Variants in ZNF263 observed in about 807,000 individuals in gnomAD.
ZNF263 encodes zinc finger protein FPM315.
Under a neutral mutation model 63.1 loss-of-function variants are expected in ZNF263, and 49 were observed. The observed-to-expected ratio is 0.78, with a 90% confidence interval of 0.62 to 0.99. The LOEUF (loss-of-function observed/expected upper bound fraction) is 0.99. Ranked by LOEUF, ZNF263 falls within the 50% of genes least tolerant of loss-of-function variation. The probability of loss-of-function intolerance (pLI) is 0.00; values close to 1 mark genes in which losing one functional copy is unlikely to be tolerated. For synonymous variants in ZNF263, 352 were observed against 324.2 expected (o/e 1.09, Z -0.92); for missense variants, 872 against 854.8 (o/e 1.02, Z -0.25).
chr16:3,284,963 A>T, intron 1 of ZNF263, 96 bp from the exon 2 acceptor site: 1 of 1,460,998 alleles, frequency 6.8e-7, no homozygotes, highest in Non-Finnish European at 9.4e-7. Flanking sequence ...GGATCGCCTG[A>T]GGTTCTCTGT....
chr16:3,299,479 G>A, intron 2 of ZNF263: 2 of 1,549,636 alleles, frequency 1.3e-6, no homozygotes, highest in Non-Finnish European at 8.7e-7. Context: ...GTTAAAAATT[G>A]CACTTTTTAT....
Position 3,283,513 on chromosome 16 carries a change from G to A in ZNF263, c.-306G>A, listed in dbSNP as rs918468756. On this transcript the variant is annotated 5_prime_UTR_variant, in exon 1 of 6. Coordinates refer to ENST00000219069, the MANE Select transcript of ZNF263 (RefSeq NM_005741.5). ...CCTAACTTGCGCGCTGAGATTTCCGGCGTGGGAGCAGAGGTCTGAGTCTTG... is the reference window on the plus strand; with the variant it reads ...CCTAACTTGCGCGCTGAGATTTCCGACGTGGGAGCAGAGGTCTGAGTCTTG... The A allele has an allele frequency of 1.9e-5, 5 of 264,050 alleles. No individual in the cohort carries two copies. The highest frequency in any genetic ancestry group is 1.1e-4 in the African/African-American group (5 of 45,134). The allele number at this position is 264,050 out of a possible 1,614,324, so 16.4% of individuals were successfully genotyped here.
In ZNF263 at chr16:3,284,940, C is replaced by T. The variant is rs909337885; in HGVS notation, c.388-119C>T. 1.2e-5 allele frequency: 15 copies of T among 1,278,368 alleles called. No homozygotes were observed. In the African/African-American group the frequency reaches 2.1e-4, roughly 18 times the overall value. 79.2% of individuals were successfully genotyped at this position (1,278,368 alleles called of 1,614,324 possible). A position where few individuals can be genotyped will look rare whatever the true frequency, so the allele number is the denominator to read the frequency against. On this transcript the variant is annotated intron_variant, in intron 1 of 5. Transcript: ENST00000219069. ...TTTAGTGTAAACCATTTTTCTGTTA[C>T]CTGGGCCCAAAGGGATCGCCTGAGG...
chr16:3,296,109 C>G (rs1596375954), downstream of ZNF263, among the ~76,000 whole-genome samples: 1 of 152,206 alleles, frequency 6.6e-6, no homozygotes, highest in Non-Finnish European at 1.5e-5. Context: ...CTCAAAGGCC[C>G]TCCCTATGCT....
intron 4 of ZNF263, 100 bp from the exon 5 acceptor site, chr16:3,288,354 C>T: frequency 1.2e-6 from 1 of 837,544 alleles, no homozygotes; most frequent in Admixed American, 1.8e-5. Flanking sequence ...ATTTATGGAG[C>T]ATTCTGTATT....
chr16:3,292,967 G>C (rs1959651182), downstream of ZNF263: 1 of 152,222 alleles, frequency 6.6e-6, no homozygotes, highest in Admixed American at 6.5e-5. Context: ...AACACTGACT[G>C]AGGTCACTGA....
downstream of ZNF263, among the ~76,000 whole-genome samples, chr16:3,296,065 C>T (rs1008017827): frequency 1.4e-4 from 22 of 152,336 alleles, no homozygotes; most frequent in Admixed American, 1.3e-3. Flanking sequence ...AAGTCACGCA[C>T]TGTCCTCTCA....
chr16:3,299,544 A>ACTTTCTTCAAATATTACAAGACTCC, intron 2 of ZNF263: 1 of 1,526,056 alleles, frequency 6.6e-7, no homozygotes, highest in Non-Finnish European at 8.8e-7. Flanking sequence ...GCTCATCATC[A>ACTTTCTTCAAATATTACAAGACTCC]CTTTCTTCAA....
intron 1 of ZNF263, among the ~76,000 whole-genome samples, chr16:3,297,650 G>C (rs1959796768): frequency 6.6e-6 from 1 of 151,576 alleles, no homozygotes; most frequent in Non-Finnish European, 1.5e-5. Context: ...ATTTTTAGTA[G>C]AAACGGGGTT....
At chr16:3,297,542 G>A (rs1455737954) in intron 1 of ZNF263, among the ~76,000 whole-genome samples, 1 of 131,840 alleles carries the variant, frequency 7.6e-6, no homozygotes, top group African/African-American at 2.9e-5. Flanking sequence ...TCGGCTCACT[G>A]CAAGCTCCGC....
rs1379730813 is a variant in ZNF263, at chr16:3,289,500, C to G, written c.994C>G (p.Pro332Ala). 3.2e-6 allele frequency: 5 copies of G among 1,568,118 alleles called. No individual in the cohort carries two copies. Among genetic ancestry groups the G allele is most frequent in the Middle Eastern group, 1.7e-4 (1 of 5,836 alleles). Residue 332 changes from proline to alanine, a missense_variant, in exon 6 of 6, where the codon CCT becomes GCT. By Grantham distance (27) the Pro-to-Ala change is conservative. Coordinates refer to ENST00000219069, the MANE Select transcript of ZNF263 (RefSeq NM_005741.5). ...GGCCCGAGGGGAGGTGCCCTGGAGT[C>G]CTGAGCTGGGAAGACCTCATGACCG... ...DQARGEVPWS[P>A]ELGRPHDRSQ...
At chr16:3,292,541 A>T (rs1959639829), downstream of ZNF263, among the ~76,000 whole-genome samples, 1 of 152,164 alleles carries the variant, frequency 6.6e-6, no homozygotes, top group East Asian at 1.9e-4. Context: ...TGCTGATGTC[A>T]TGAATTGGAT....
intron 1 of ZNF263, among the ~76,000 whole-genome samples, chr16:3,297,595 G>C (rs1307613881): frequency 3.3e-5 from 5 of 150,162 alleles, no homozygotes; most frequent in Non-Finnish European, 4.4e-5. Flanking sequence ...CTCCCGAGTA[G>C]CTGGGACTAC....
intron 2 of ZNF263, chr16:3,299,555 A>C (rs1224065783): frequency 6.5e-7 from 1 of 1,527,194 alleles, no homozygotes; most frequent in Non-Finnish European, 8.8e-7. Context: ...CTTTCTTCAA[A>C]TATTACAAGA....
chr16:3,300,715 A>C, intron 2 of ZNF263: 1 of 1,476,456 alleles, frequency 6.8e-7, no homozygotes, highest in Non-Finnish European at 9.0e-7. Context: ...AACTTAGCTG[A>C]AAGCCCCAGA....
chr16:3,297,080 G>A (rs1042814441), intron 1 of ZNF263, among the ~76,000 whole-genome samples: 2 of 151,956 alleles, frequency 1.3e-5, no homozygotes, highest in South Asian at 2.1e-4. Flanking sequence ...TGAGGCAGGC[G>A]GATCACGAGG....
chr16:3,295,430 G>C (rs1273183529), downstream of ZNF263, among the ~76,000 whole-genome samples: 1 of 152,198 alleles, frequency 6.6e-6, no homozygotes, highest in Non-Finnish European at 1.5e-5. Flanking sequence ...GTGTATGGTG[G>C]CTCCGGTGTA....
chr16:3,299,979 G>A, intron 2 of ZNF263: 1 of 1,614,034 alleles, frequency 6.2e-7, no homozygotes, highest in Non-Finnish European at 8.5e-7. Flanking sequence ...CACATAAAAA[G>A]GCAGACAACC....
chr16:3,298,460 G>A (rs1259015969), intron 1 of ZNF263, among the ~76,000 whole-genome samples: 1 of 152,186 alleles, frequency 6.6e-6, no homozygotes, highest in East Asian at 1.9e-4. Context: ...GGTATACACC[G>A]AAGTGTTGAG....
Sources: allele counts gnomAD v4.1 joint callset (sites outside exome capture counted in the v4.1 genomes callset), GRCh38; gene constraint gnomAD v4.1.1; transcripts MANE v1.5; gene names NCBI Gene and HGNC (gene_info 2026-07-23, HGNC 2026-07-21).